MIR2052HG: variants seen among roughly 807,000 people sequenced by gnomAD.
The protein encoded by MIR2052HG is MIR2052 host gene.
At chr8:74,727,557 C>T (rs796832444) in intron 4 of MIR2052HG, among the ~76,000 whole-genome samples, 5 of 152,166 alleles carry the variant, frequency 3.3e-5, no homozygotes, top group Admixed American at 1.3e-4. Flanking sequence ...TTTCCCACAA[C>T]GTGAACATTT....
intron 4 of MIR2052HG, among the ~76,000 whole-genome samples, chr8:74,745,747 C>T (rs1440469102): frequency 2.0e-5 from 3 of 152,042 alleles, no homozygotes; most frequent in African/African-American, 4.8e-5. Context: ...TATGGGAAAC[C>T]GTCATCAATT....
intron 4 of MIR2052HG, among the ~76,000 whole-genome samples, chr8:74,723,580 T>A (rs1364024060): frequency 1.3e-5 from 2 of 151,984 alleles, no homozygotes; most frequent in Non-Finnish European, 2.9e-5. Context: ...CCTTAGAAGG[T>A]GTATTAAAGA....
chr8:74,712,994 G>T (rs1187523722), intron 4 of MIR2052HG, among the ~76,000 whole-genome samples: 1 of 152,178 alleles, frequency 6.6e-6, no homozygotes, highest in Non-Finnish European at 1.5e-5. Flanking sequence ...CAAGAGGATA[G>T]AGTGTAGTAT....
intron 4 of MIR2052HG, among the ~76,000 whole-genome samples, chr8:74,715,143 T>A (rs1809508041): frequency 6.6e-6 from 1 of 152,188 alleles, no homozygotes. Context: ...AAGGAAAGAA[T>A]ATGACCTTCA....
chr8:74,757,861 GA>G (rs889078223), intron 5 of MIR2052HG: 1 of 151,958 alleles, frequency 6.6e-6, no homozygotes, highest in African/African-American at 2.4e-5. Flanking sequence ...CCTTTGTGGG[GA>G]AAAATGATTA....
At chr8:74,644,166 A>G (rs16938931) in intron 2 of MIR2052HG, among the ~76,000 whole-genome samples, 5,592 of 152,224 alleles carry the variant, frequency 0.037, 332 homozygotes, top group African/African-American at 0.13. Context: ...TTTCCCCTCC[A>G]TATGTCACAT....
At chr8:74,749,340 C>T (rs1474729352) in intron 4 of MIR2052HG, among the ~76,000 whole-genome samples, 1 of 151,878 alleles carries the variant, frequency 6.6e-6, no homozygotes, top group Non-Finnish European at 1.5e-5. Flanking sequence ...CATAAGAAAT[C>T]TATCACTACT....
At chr8:74,601,076 A>G (rs1368580969) in intron 1 of MIR2052HG, among the ~76,000 whole-genome samples, 20 of 152,230 alleles carry the variant, frequency 1.3e-4, no homozygotes, top group Non-Finnish European at 2.9e-5. Context: ...AAGGGGATTC[A>G]TAAAGTCTTG....
At chr8:74,604,364 A>T in intron 1 of MIR2052HG, 2 of 211,958 alleles carry the variant, frequency 9.4e-6, no homozygotes, top group Non-Finnish European at 1.9e-5. Flanking sequence ...ATGGGCTGGA[A>T]GGGGAAGGGC....
At position 74,726,845 on chromosome 8, in the gene MIR2052HG, A is replaced by G. The variant is rs77229157; in HGVS notation, n.371+23163A>G. Among the ~76,000 whole-genome samples the G allele has an allele frequency of 8.9e-3, 1,353 of 152,320 alleles. 98 individuals are homozygous for G. The East Asian group carries it at 0.15, about 17-fold the overall frequency. On this transcript the variant is annotated intron_variant and non_coding_transcript_variant, in intron 4 of 6. Transcript: ENST00000523442. ...AGGCACAGAGATCTGCCCTATGTTT[A>G]TAGCACTAAGTGACTGTTCATGGGC...
intron 1 of MIR2052HG, among the ~76,000 whole-genome samples, chr8:74,605,285 T>C (rs915909327): frequency 6.6e-6 from 1 of 152,198 alleles, no homozygotes; most frequent in African/African-American, 2.4e-5. Context: ...CACAGCAAAT[T>C]CTGCCCAGGG....
At chr8:74,600,741 A>C (rs1807988464) in intron 1 of MIR2052HG, among the ~76,000 whole-genome samples, 1 of 151,756 alleles carries the variant, frequency 6.6e-6, no homozygotes, top group Admixed American at 6.6e-5. Flanking sequence ...ATGCCCAGCT[A>C]ATTTTTGTAT....
chr8:74,736,469 C>A (rs980040676), intron 4 of MIR2052HG, among the ~76,000 whole-genome samples: 3 of 152,132 alleles, frequency 2.0e-5, no homozygotes, highest in African/African-American at 7.2e-5. Context: ...AGCCTTGTAG[C>A]AATTTGCTAA....
intron 2 of MIR2052HG, among the ~76,000 whole-genome samples, chr8:74,699,287 T>C (rs1303008362): frequency 6.6e-6 from 1 of 152,084 alleles, no homozygotes; most frequent in Non-Finnish European, 1.5e-5. Flanking sequence ...GAAGTCATCA[T>C]ACGAAAAAGA....
intron 1 of MIR2052HG, among the ~76,000 whole-genome samples, chr8:74,607,957 G>C (rs958042733): frequency 1.3e-5 from 2 of 152,124 alleles, no homozygotes; most frequent in African/African-American, 4.8e-5. Flanking sequence ...ATGTTAGCTT[G>C]GTGCCTTATC....
At chr8:74,661,411 C>T (rs1490511114) in intron 2 of MIR2052HG, among the ~76,000 whole-genome samples, 2 of 152,038 alleles carry the variant, frequency 1.3e-5, no homozygotes, top group Non-Finnish European at 2.9e-5. Flanking sequence ...ATATGTTGGC[C>T]AGGCTGGTCT....
At chr8:74,749,848 C>CAAAAA (rs10628806) in intron 4 of MIR2052HG, among the ~76,000 whole-genome samples, 9 of 107,738 alleles carry the variant, frequency 8.4e-5, no homozygotes, top group Admixed American at 2.1e-4. Context: ...GACTCCATCT[C>CAAAAA]AAAAAAAAAA....
intron 4 of MIR2052HG, among the ~76,000 whole-genome samples, chr8:74,723,322 A>G (rs1457176123): frequency 1.3e-5 from 2 of 152,324 alleles, no homozygotes; most frequent in East Asian, 3.9e-4. Context: ...TTGGCAAGCC[A>G]AATTGATGGA....
intron 2 of MIR2052HG, among the ~76,000 whole-genome samples, chr8:74,641,604 AT>A (rs1361231939): frequency 1.1e-4 from 16 of 148,838 alleles, no homozygotes; most frequent in East Asian, 3.9e-4. Flanking sequence ...ATTGTGGTCC[AT>A]TTTTTTTTTA....
Sources: allele counts gnomAD v4.1 joint callset (sites outside exome capture counted in the v4.1 genomes callset), GRCh38; gene constraint gnomAD v4.1.1; transcripts MANE v1.5; gene names NCBI Gene and HGNC (gene_info 2026-07-23, HGNC 2026-07-21).